The following FCER2 variants were observed in gnomAD, a reference collection of about 807,000 sequenced individuals.
FCER2 encodes the protein low affinity immunoglobulin epsilon Fc receptor.
Under a neutral mutation model 49.7 loss-of-function variants are expected in FCER2, and 38 were observed. The observed-to-expected ratio is 0.76, with a 90% confidence interval of 0.59 to 1.00. FCER2 has a LOEUF of 1.00. Ranked by LOEUF, FCER2 falls within the 50% of genes least tolerant of loss-of-function variation. The probability of loss-of-function intolerance (pLI) is 0.00; values close to 1 mark genes in which losing one functional copy is unlikely to be tolerated. For missense variants in FCER2, 425 were observed against 419.5 expected (o/e 1.01, Z -0.11); for synonymous variants, 163 against 164.6 (o/e 0.99, Z 0.07).
chr19:7,689,836 C>T (rs571816592), intron 10 of FCER2, among the ~76,000 whole-genome samples: 106 of 152,146 alleles, frequency 7.0e-4, no homozygotes, highest in Non-Finnish European at 1.2e-3. Flanking sequence ...CCAGGATGGT[C>T]TTAAACTCCT....
intron 4 of FCER2, 146 bp from the exon 5 acceptor site, chr19:7,697,735 A>G (rs2033055741): frequency 1.5e-6 from 1 of 673,656 alleles, no homozygotes; most frequent in South Asian, 1.7e-5. Context: ...GGAGGAGTGT[A>G]CTCAGGAAGG....
intron 9 of FCER2, 68 bp from the exon 10 acceptor site, chr19:7,690,333 G>T (rs2032827966): frequency 1.2e-6 from 2 of 1,604,520 alleles, no homozygotes; most frequent in Non-Finnish European, 1.7e-6. Context: ...ACTTCGAGAG[G>T]TTGGGTAGAG....
Position 7,690,523 on chromosome 19 carries a change from G to C in FCER2, c.504C>G (p.Ile168Met). The change falls in exon 9 of 11, where the codon ATC (isoleucine) becomes ATG (methionine). Residue 168 changes from isoleucine to methionine, a missense_variant. Ile to Met is a conservative substitution (Grantham distance 10). Coordinates refer to ENST00000597921, the MANE Select transcript of FCER2 (RefSeq NM_001220500.2). ...AGTAGTAGCACTTCCGTTGGAAATT[G>C]ATCCACTTTTCAGGGCACGTGTTGC... The part of the protein sequence containing the change: ...FVCNTCPEKW[I>M]NFQRKCYYFG... 1 of 1,614,098 alleles carries C rather than the reference G, an allele frequency of 6.2e-7. No individual in the cohort carries two copies.
chr19:7,699,288 C>T, intron 2 of FCER2: 1 of 747,030 alleles, frequency 1.3e-6, no homozygotes, highest in South Asian at 1.5e-5. Flanking sequence ...CAGGTGTCAT[C>T]CAACATCCAG....
At chr19:7,696,772 C>T in intron 8 of FCER2, 53 bp downstream of exon 8, 1 of 1,388,324 alleles carries the variant, frequency 7.2e-7, no homozygotes. Context: ...GCCAACACGC[C>T]CGAGCCCCAG....
intron 8 of FCER2, among the ~76,000 whole-genome samples, chr19:7,693,168 G>T (rs1224416642): frequency 6.6e-6 from 1 of 152,124 alleles, no homozygotes; most frequent in Non-Finnish European, 1.5e-5. Context: ...AGGTCCACCA[G>T]CGATTACTTT....
Position 7,692,210 on chromosome 19 carries a change from G to A in FCER2, c.470-1653C>T, listed in dbSNP as rs908373595. On this transcript the variant is annotated intron_variant, in intron 8 of 10. Transcript: ENST00000597921. ...CATCAACTACCAACACCATCACCAC[G>A]AGCACATTCATGTCCAACAACAAAT... 4.8e-5 allele frequency among the ~76,000 whole-genome samples: 6 copies of A among 126,172 alleles called. No homozygotes were observed. In the East Asian group the frequency reaches 9.1e-4, roughly 19 times the overall value. 82.8% of individuals were successfully genotyped at this position (126,172 alleles called of 152,430 possible). A position where few individuals can be genotyped will look rare whatever the true frequency, so the allele number is the denominator to read the frequency against.
chr19:7,697,432 G>T, intron 5 of FCER2, 95 bp downstream of exon 5: 1 of 1,454,594 alleles, frequency 6.9e-7, no homozygotes, highest in Non-Finnish European at 9.7e-7. Context: ...GGTGTCGGGG[G>T]TGGGGCACAG....
At chr19:7,694,323 C>T (rs1259549562) in intron 8 of FCER2, among the ~76,000 whole-genome samples, 1 of 152,142 alleles carries the variant, frequency 6.6e-6, no homozygotes, top group Non-Finnish European at 1.5e-5. Context: ...CATGATTGTG[C>T]CACTGCACTC....
intron 8 of FCER2, among the ~76,000 whole-genome samples, chr19:7,694,199 C>T (rs1164315415): frequency 6.6e-6 from 1 of 152,112 alleles, no homozygotes; most frequent in Non-Finnish European, 1.5e-5. Context: ...GGAGGTGCAG[C>T]GTTAAAACAG....
chr19:7,690,300 A>T, intron 9 of FCER2, 35 bp from the exon 10 acceptor site: 2 of 1,608,530 alleles, frequency 1.2e-6, no homozygotes, highest in Non-Finnish European at 1.7e-6. Context: ...GACTGGAGAC[A>T]TGTGCCCGGG....
At chr19:7,697,646 C>T (rs1164338285) in intron 4 of FCER2, 57 bp from the exon 5 acceptor site, 10 of 1,403,582 alleles carry the variant, frequency 7.1e-6, no homozygotes, top group East Asian at 2.3e-5. Flanking sequence ...GTCCTTGGAC[C>T]CCGCCTATGC....
Position 7,698,847 on chromosome 19 carries a change from C to T in FCER2, c.30G>A (p.Glu10=), listed in dbSNP as rs1424828046. The T allele has an allele frequency of 6.3e-7, 1 of 1,597,282 alleles. No homozygotes were observed. The highest frequency in any genetic ancestry group is 8.5e-7 in the Non-Finnish European group (1 of 1,173,694). ...TGCAACACCGCCTCCTGGGAAGCTCCTCGATCTCTGCCGGGGGTGGAGGGA... is the reference window on the plus strand; with the variant it reads ...TGCAACACCGCCTCCTGGGAAGCTCTTCGATCTCTGCCGGGGGTGGAGGGA... MEEGQYSEI[E]ELPRRRCCRR... Residue 10 remains glutamate, a synonymous_variant, in exon 3 of 11, where the codon GAG becomes GAA. Transcript: ENST00000597921.
chr19:7,689,347 G>T lies in FCER2; in HGVS notation c.812C>A (p.Ala271Asp), dbSNP rs376018958. Reference sequence around the variant, plus strand: ...GGCGCCCAGCTTACGGTCGCAGAAGGCGTCGTTCCAGCGACCGGAGCCCCG... The same window carrying T: ...GGCGCCCAGCTTACGGTCGCAGAAGTCGTCGTTCCAGCGACCGGAGCCCCG... ...MMRGSGRWND[A>D]FCDRKLGAWV... Residue 271 changes from alanine to aspartate, a missense_variant, in exon 11 of 11, where the codon GCC becomes GAC. By Grantham distance (126) the Ala-to-Asp change is moderately radical. Coordinates refer to ENST00000597921, the MANE Select transcript of FCER2 (RefSeq NM_001220500.2). 1 of 1,611,940 alleles carries T rather than the reference G, an allele frequency of 6.2e-7. No homozygotes were observed. The highest frequency in any genetic ancestry group is 8.5e-7 in the Non-Finnish European group (1 of 1,179,338).
Position 7,699,826 on chromosome 19 carries a change from G to A in FCER2, c.-66C>T, listed in dbSNP as rs748244100. 1.6e-4 allele frequency: 243 copies of A among 1,484,754 alleles called. No homozygotes were observed. Among genetic ancestry groups the A allele is most frequent in the Non-Finnish European group, 2.2e-4 (229 of 1,063,716 alleles). 92.0% of individuals were successfully genotyped at this position (1,484,754 alleles called of 1,614,324 possible). ...TCCCTGACAACGCAGTCCACTCAGC[G>A]GGCACAATCACAGCTCTGGCTGATT... On this transcript the variant is annotated 5_prime_UTR_variant, in exon 2 of 11. Transcript: ENST00000597921.
chr19:7,699,781 C>T lies in FCER2; in HGVS notation c.-21G>A, dbSNP rs1599443510. On this transcript the variant is annotated 5_prime_UTR_variant, in exon 2 of 11. Coordinates refer to ENST00000597921, the MANE Select transcript of FCER2 (RefSeq NM_001220500.2). Reference sequence around the variant, plus strand: ...TCCATGGCGGTCCTGCTTGGATTCTCCCGATGATGGAGCACTCACTCCCTG... The same window carrying T: ...TCCATGGCGGTCCTGCTTGGATTCTTCCGATGATGGAGCACTCACTCCCTG... The T allele has an allele frequency of 3.1e-6, 5 of 1,613,180 alleles. No individual in the cohort carries two copies. In the East Asian group the frequency reaches 6.7e-5, roughly 22 times the overall value.
rs568750339 is a variant in FCER2 at position 7,689,029 on chromosome 19, G to A, written c.*164C>T. The A allele has an allele frequency of 3.3e-6, 2 of 609,942 alleles. No homozygotes were observed. The highest frequency in any genetic ancestry group is 5.9e-6 in the Non-Finnish European group (2 of 341,832). The allele number at this position is 609,942 out of a possible 1,614,324, so 37.8% of individuals were successfully genotyped here. ...TCCCATCTGGAGAGGGTGCTGTTGG[G>A]GTGTACTCCTGGGAAGGCAGGGGCC... On this transcript the variant is annotated 3_prime_UTR_variant, in exon 11 of 11. Coordinates refer to ENST00000597921, the MANE Select transcript of FCER2 (RefSeq NM_001220500.2).
At chr19:7,689,699 A>G (rs2032805856) in intron 10 of FCER2, among the ~76,000 whole-genome samples, 1 of 152,126 alleles carries the variant, frequency 6.6e-6, no homozygotes, top group African/African-American at 2.4e-5. Flanking sequence ...AGCTCACTGC[A>G]ACCTCCGCCT....
chr19:7,693,049 C>G (rs905657253), intron 8 of FCER2, among the ~76,000 whole-genome samples: 5 of 152,168 alleles, frequency 3.3e-5, no homozygotes, highest in East Asian at 1.9e-4. Context: ...GTACCCACCA[C>G]CAGCAGCAGC....
Sources: allele counts gnomAD v4.1 joint callset (sites outside exome capture counted in the v4.1 genomes callset), GRCh38; gene constraint gnomAD v4.1.1; transcripts MANE v1.5; gene names NCBI Gene and HGNC (gene_info 2026-07-23, HGNC 2026-07-21).